The following ZNF521 variants were observed in gnomAD, a reference collection of about 807,000 sequenced individuals.
ZNF521 encodes the protein zinc finger protein 521.
In ZNF521, 14 loss-of-function variants were observed where a neutral mutation model predicts 105.5. The observed-to-expected ratio is 0.13, with a 90% CI of 0.09 to 0.21. ZNF521 has a LOEUF of 0.21. Ranked by LOEUF, ZNF521 falls within the 10% of genes least tolerant of loss-of-function variation. ZNF521 has a pLI of 1.00. For missense variants in ZNF521, 1,233 were observed against 1,629.7 expected (o/e 0.76, Z 4.19); for synonymous variants, 635 against 606.0 (o/e 1.05, Z -0.70).
intron 4 of ZNF521, among the ~76,000 whole-genome samples, chr18:25,221,001 C>A (rs1009433688): frequency 2.6e-5 from 4 of 152,158 alleles, no homozygotes; most frequent in Non-Finnish European, 5.9e-5. Flanking sequence ...TTAACCTTAC[C>A]ATCCCTGGAA....
chr18:25,341,345 A>G (rs985949600), intron 2 of ZNF521, among the ~76,000 whole-genome samples: 6 of 152,178 alleles, frequency 3.9e-5, no homozygotes, highest in Admixed American at 3.9e-4. Flanking sequence ...ACTGAAGTTT[A>G]GTTTTGCTGT....
chr18:25,066,052 C>T (rs2033051658), intron 7 of ZNF521, among the ~76,000 whole-genome samples: 1 of 152,156 alleles, frequency 6.6e-6, no homozygotes, highest in Non-Finnish European at 1.5e-5. Flanking sequence ...GTAATATCAA[C>T]CTAAGAAATC....
chr18:25,158,281 T>A (rs1253822777), intron 5 of ZNF521, among the ~76,000 whole-genome samples: 3 of 152,068 alleles, frequency 2.0e-5, no homozygotes, highest in African/African-American at 7.2e-5. Context: ...TATATATGCA[T>A]GTGCATGTAT....
chr18:25,262,239 T>A (rs1283401376), intron 3 of ZNF521, among the ~76,000 whole-genome samples: 1 of 152,166 alleles, frequency 6.6e-6, no homozygotes, highest in Non-Finnish European at 1.5e-5. Context: ...ACTGGTGAGT[T>A]CAAAAATGGG....
intron 2 of ZNF521, among the ~76,000 whole-genome samples, chr18:25,324,476 C>G (rs1216643142): frequency 6.6e-6 from 1 of 151,716 alleles, no homozygotes; most frequent in Non-Finnish European, 1.5e-5. Context: ...CCAAACTAGA[C>G]AGCAATTCAG....
intron 3 of ZNF521, among the ~76,000 whole-genome samples, chr18:25,286,457 C>T (rs1341176105): frequency 6.6e-6 from 1 of 152,130 alleles, no homozygotes; most frequent in Non-Finnish European, 1.5e-5. Context: ...AGCTTCCAGC[C>T]CTACCTACCA....
At chr18:25,107,182 A>T (rs1298350286) in intron 5 of ZNF521, among the ~76,000 whole-genome samples, 1 of 152,244 alleles carries the variant, frequency 6.6e-6, no homozygotes, top group Admixed American at 6.5e-5. Context: ...TCAAGTACCT[A>T]TGTTGTGGGA....
intron 5 of ZNF521, among the ~76,000 whole-genome samples, chr18:25,099,594 C>A (rs915013522): frequency 6.6e-5 from 10 of 152,140 alleles, no homozygotes; most frequent in African/African-American, 2.4e-4. Flanking sequence ...TGTCCCAAGT[C>A]ATAGAGAAGT....
rs368062183 is a variant in ZNF521, at chr18:25,073,758, A to G, written c.3907-11017T>C. ...TGAACTTGGGCAAAAAGCAAAAGAA[A>G]TGCCACTTCCTTGTAGTGTATTATT... is the stretch of plus-strand genomic sequence containing the variant. On this transcript the variant is annotated intron_variant, in intron 7 of 7. Transcript: ENST00000361524. Among the ~76,000 whole-genome samples the G allele has an allele frequency of 7.2e-5, 11 of 152,306 alleles. No individual in the cohort carries two copies. In the East Asian group the frequency reaches 1.2e-3, roughly 16 times the overall value.
intron 7 of ZNF521, among the ~76,000 whole-genome samples, chr18:25,084,548 A>G (rs756738921): frequency 4.3e-5 from 6 of 140,096 alleles, no homozygotes; most frequent in Non-Finnish European, 8.3e-5. Flanking sequence ...TCAAATTACT[A>G]CTGCACTTTG....
intron 5 of ZNF521, among the ~76,000 whole-genome samples, chr18:25,099,108 G>A (rs547974732): frequency 6.6e-6 from 1 of 152,222 alleles, no homozygotes; most frequent in East Asian, 1.9e-4. Context: ...GAGGGCAAGG[G>A]TATTTGTCTG....
chr18:25,080,671 C>T (rs2033474093), intron 7 of ZNF521, among the ~76,000 whole-genome samples: 1 of 152,214 alleles, frequency 6.6e-6, no homozygotes, highest in African/African-American at 2.4e-5. Flanking sequence ...GGATTCTTTG[C>T]TCGTTTCAGG....
At chr18:25,149,375 T>C (rs2035004403) in intron 5 of ZNF521, among the ~76,000 whole-genome samples, 1 of 152,190 alleles carries the variant, frequency 6.6e-6, no homozygotes, top group Admixed American at 6.5e-5. Context: ...CACGTGTAAA[T>C]TTGCTTTGAT....
At chr18:25,168,103 C>A (rs577010409) in intron 5 of ZNF521, among the ~76,000 whole-genome samples, 1 of 152,240 alleles carries the variant, frequency 6.6e-6, no homozygotes, top group South Asian at 2.1e-4. Flanking sequence ...TCATGTTAAC[C>A]CAGTGATTTA....
At chr18:25,197,322 C>T (rs2035919315) in intron 4 of ZNF521, among the ~76,000 whole-genome samples, 1 of 151,786 alleles carries the variant, frequency 6.6e-6, no homozygotes, top group South Asian at 2.1e-4. Flanking sequence ...TTTTAAAATA[C>T]TGAAGCTTGA....
At chr18:25,217,451 T>C (rs949947613) in intron 4 of ZNF521, among the ~76,000 whole-genome samples, 3 of 152,146 alleles carry the variant, frequency 2.0e-5, no homozygotes, top group Non-Finnish European at 4.4e-5. Flanking sequence ...CTTGAGTAAT[T>C]GGGTGTAGAG....
At chr18:25,211,590 T>C (rs1428873935) in intron 4 of ZNF521, among the ~76,000 whole-genome samples, 1 of 152,224 alleles carries the variant, frequency 6.6e-6, no homozygotes, top group East Asian at 1.9e-4. Flanking sequence ...AGTTTGCGTT[T>C]TTCCATCAGT....
chr18:25,141,782 CG>C (rs1452025776), intron 5 of ZNF521, among the ~76,000 whole-genome samples: 1 of 152,018 alleles, frequency 6.6e-6, no homozygotes, highest in African/African-American at 2.4e-5. Context: ...TCAGCTTTTT[CG>C]GCAATACTCT....
intron 7 of ZNF521, among the ~76,000 whole-genome samples, chr18:25,086,033 T>C (rs1171494182): frequency 2.0e-5 from 3 of 152,096 alleles, no homozygotes; most frequent in Non-Finnish European, 4.4e-5. Flanking sequence ...TTATAGTCTC[T>C]TGTGAAAAGT....
Sources: gnomAD v4.1 joint callset for allele counts (sites outside exome capture counted in the v4.1 genomes callset) on GRCh38, gnomAD v4.1.1 for gene constraint, MANE v1.5 for transcripts, NCBI Gene and HGNC (gene_info 2026-07-23, HGNC 2026-07-21) for gene names.